The following EPHA6 variants were observed in gnomAD, a reference collection of about 807,000 sequenced individuals.
The protein encoded by EPHA6 is ephrin type-A receptor 6.
EPHA6 carries 50 observed loss-of-function variants against 112.0 expected under a neutral mutation model. That is an observed-to-expected ratio of 0.45 (90% CI 0.36 to 0.56). The LOEUF is 0.56. Ranked by LOEUF, EPHA6 falls within the 20% of genes least tolerant of loss-of-function variation. The probability of loss-of-function intolerance (pLI) is 0.00; values close to 1 mark genes in which losing one functional copy is unlikely to be tolerated. For synonymous variants in EPHA6, 529 were observed against 490.7 expected (o/e 1.08, Z -1.03); for missense variants, 1,280 against 1,417.4 (o/e 0.90, Z 1.56).
chr3:97,583,146 A>T (rs571712462), intron 11 of EPHA6, among the ~76,000 whole-genome samples: 29 of 151,756 alleles, frequency 1.9e-4, no homozygotes, highest in Non-Finnish European at 1.5e-4. Flanking sequence ...CTTTGGCTGC[A>T]GAGCTAAATA....
chr3:97,266,423 T>C (rs2079685944), intron 5 of EPHA6, among the ~76,000 whole-genome samples: 1 of 152,130 alleles, frequency 6.6e-6, no homozygotes, highest in South Asian at 2.1e-4. Flanking sequence ...ACAAGTAAAA[T>C]GCTAATATTT....
At chr3:97,185,315 G>T (rs377498976) in intron 3 of EPHA6, among the ~76,000 whole-genome samples, 2 of 151,900 alleles carry the variant, frequency 1.3e-5, no homozygotes, top group African/African-American at 4.8e-5. Context: ...CAATGTACTC[G>T]TCTGACAAAG....
chr3:97,135,676 G>A (rs913442115), intron 3 of EPHA6, among the ~76,000 whole-genome samples: 2 of 151,352 alleles, frequency 1.3e-5, no homozygotes, highest in Non-Finnish European at 2.9e-5. Context: ...CAAGTTTCCC[G>A]GTGATGCCCA....
chr3:97,490,030 A>C (rs1226779753), intron 10 of EPHA6, among the ~76,000 whole-genome samples: 4 of 152,110 alleles, frequency 2.6e-5, no homozygotes, highest in Non-Finnish European at 5.9e-5. Flanking sequence ...CAGATTTCCA[A>C]AACTTGCAAG....
rs35415439 is a variant in EPHA6, at chr3:97,311,442, T to TCACACACA, written c.1606+67181_1606+67188dup. Among the ~76,000 whole-genome samples, 1,141 of 144,136 alleles carry TCACACACA rather than the reference T, an allele frequency of 7.9e-3. 8 individuals are homozygous for TCACACACA. The highest frequency in any genetic ancestry group is 0.021 in the Admixed American group (297 of 14,376). 94.6% of individuals were successfully genotyped at this position (144,136 alleles called of 152,430 possible). A position where few individuals can be genotyped will look rare whatever the true frequency, so the allele number is the denominator to read the frequency against. ...CCAAATCATCATTTGGATTACACTT[T>TCACACACA]CACACACACACACACACACACACAC... is the stretch of plus-strand genomic sequence containing the variant. On this transcript the variant is annotated intron_variant, in intron 5 of 17. Transcript: ENST00000389672.
intron 3 of EPHA6, among the ~76,000 whole-genome samples, chr3:97,062,818 C>A (rs551814660): frequency 6.6e-6 from 1 of 152,270 alleles, no homozygotes; most frequent in African/African-American, 2.4e-5. Flanking sequence ...GTCCATTAAA[C>A]CTCTTTTTCT....
intron 14 of EPHA6, among the ~76,000 whole-genome samples, chr3:97,686,860 T>C (rs531624384): frequency 5.9e-5 from 9 of 152,332 alleles, no homozygotes; most frequent in African/African-American, 1.7e-4. Context: ...TGTTAGTAAA[T>C]ATCTTACTAC....
chr3:97,569,240 G>A (rs1177159005), intron 11 of EPHA6, among the ~76,000 whole-genome samples: 1 of 152,090 alleles, frequency 6.6e-6, no homozygotes, highest in Non-Finnish European at 1.5e-5. Context: ...TAAAGGCAGA[G>A]ATTCTCCATG....
intron 3 of EPHA6, among the ~76,000 whole-genome samples, chr3:97,062,380 G>T (rs1022835508): frequency 6.6e-6 from 1 of 152,070 alleles, no homozygotes; most frequent in African/African-American, 2.4e-5. Flanking sequence ...CACCCCTAAG[G>T]CTGAGATAGG....
chr3:97,730,644 T>C (rs2034994578), intron 15 of EPHA6, among the ~76,000 whole-genome samples: 1 of 152,076 alleles, frequency 6.6e-6, no homozygotes, highest in African/African-American at 2.4e-5. Context: ...CTGTCAGTCC[T>C]TAATTAGGGA....
intron 14 of EPHA6, among the ~76,000 whole-genome samples, chr3:97,719,857 T>C (rs894538168): frequency 6.6e-6 from 1 of 152,202 alleles, no homozygotes; most frequent in Non-Finnish European, 1.5e-5. Context: ...TTGTCTTCAA[T>C]TAAGTTAGAG....
At chr3:97,115,900 T>C (rs2047874193) in intron 3 of EPHA6, among the ~76,000 whole-genome samples, 1 of 151,810 alleles carries the variant, frequency 6.6e-6, no homozygotes, top group Admixed American at 6.6e-5. Flanking sequence ...TTAAACAAAA[T>C]CACCCTTATA....
intron 11 of EPHA6, among the ~76,000 whole-genome samples, chr3:97,549,839 T>A (rs913798769): frequency 2.6e-5 from 4 of 151,552 alleles, no homozygotes; most frequent in Non-Finnish European, 4.4e-5. Context: ...TAAAATAAAA[T>A]AAATAAAATA....
intron 5 of EPHA6, among the ~76,000 whole-genome samples, chr3:97,265,428 G>A (rs979024785): frequency 1.3e-5 from 2 of 152,188 alleles, no homozygotes; most frequent in African/African-American, 2.4e-5. Context: ...AGGGGTCCGA[G>A]GTGGCAAGGG....
intron 3 of EPHA6, among the ~76,000 whole-genome samples, chr3:97,060,135 C>G (rs2045973450): frequency 6.6e-6 from 1 of 151,962 alleles, no homozygotes; most frequent in African/African-American, 2.4e-5. Context: ...AAACAAAAAA[C>G]AAAACAAAAC....
At chr3:97,394,996 C>T (rs1290754818) in intron 5 of EPHA6, among the ~76,000 whole-genome samples, 4 of 151,212 alleles carry the variant, frequency 2.6e-5, no homozygotes, top group South Asian at 4.2e-4. Flanking sequence ...TAATAAAAAC[C>T]GCAAAGCTTC....
chr3:96,994,274 C>A, intron 3 of EPHA6: 2 of 350,574 alleles, frequency 5.7e-6, no homozygotes, highest in Non-Finnish European at 5.9e-6. Flanking sequence ...CAAATCTCAG[C>A]TGATATTTCA....
intron 1 of EPHA6, among the ~76,000 whole-genome samples, chr3:96,852,117 G>C (rs548816021): frequency 6.6e-6 from 1 of 152,100 alleles, no homozygotes; most frequent in African/African-American, 2.4e-5. Context: ...TTTTGGAGTT[G>C]ATCTGGAGCA....
chr3:97,522,999 C>G (rs1192829842), intron 10 of EPHA6, among the ~76,000 whole-genome samples: 1 of 151,930 alleles, frequency 6.6e-6, no homozygotes, highest in Non-Finnish European at 1.5e-5. Flanking sequence ...TTTAGTTGAT[C>G]TTTTCTATTC....
Sources: allele counts gnomAD v4.1 joint callset (sites outside exome capture counted in the v4.1 genomes callset), GRCh38; gene constraint gnomAD v4.1.1; transcripts MANE v1.5; gene names NCBI Gene and HGNC (gene_info 2026-07-23, HGNC 2026-07-21).